The following BIRC6 variants were observed in gnomAD, a reference collection of about 807,000 sequenced individuals.
The protein encoded by BIRC6 is baculoviral IAP repeat containing 6, also known as dual E2 ubiquitin-conjugating enzyme/E3 ubiquitin-protein ligase BIRC6.
BIRC6 carries 98 observed loss-of-function variants against 503.3 expected under a neutral mutation model. The observed-to-expected ratio is 0.19, with a 90% CI of 0.17 to 0.23. BIRC6 has a LOEUF of 0.23. Ranked by LOEUF, BIRC6 falls within the 10% of genes least tolerant of loss-of-function variation. The probability of loss-of-function intolerance (pLI) is 1.00; values close to 1 mark genes in which losing one functional copy is unlikely to be tolerated. For missense variants in BIRC6, 5,360 were observed against 5,806.0 expected (o/e 0.92, Z 2.50); for synonymous variants, 2,240 against 2,078.7 (o/e 1.08, Z -2.11).
intron 5 of BIRC6, among the ~76,000 whole-genome samples, chr2:32,393,509 C>A (rs960559834): frequency 6.6e-6 from 1 of 152,018 alleles, no homozygotes; most frequent in Admixed American, 6.6e-5. Flanking sequence ...GGTTATTTAA[C>A]TTTATTTATT....
chr2:32,493,328 A>G (rs2051992487), intron 44 of BIRC6, among the ~76,000 whole-genome samples: 1 of 152,108 alleles, frequency 6.6e-6, no homozygotes, highest in Non-Finnish European at 1.5e-5. Flanking sequence ...ACTATAATGA[A>G]AAAGTATTAA....
Position 32,362,183 on chromosome 2 carries a change from G to T in BIRC6, c.325+4697G>T, listed in dbSNP as rs144960406. ...TCTACTTCCTCACCAGCATTTGGGGGTTTTATATTTTGGCCGTTTTAGTAG... is the reference window on the plus strand; with the variant it reads ...TCTACTTCCTCACCAGCATTTGGGGTTTTTATATTTTGGCCGTTTTAGTAG... On this transcript the variant is annotated intron_variant, in intron 1 of 73. Coordinates refer to ENST00000421745, the MANE Select transcript of BIRC6 (RefSeq NM_016252.4). Among the ~76,000 whole-genome samples the T allele has an allele frequency of 4.7e-3, 713 of 152,086 alleles. 9 individuals carry two copies. Among genetic ancestry groups the T allele is most frequent in the Middle Eastern group, 0.014 (4 of 294 alleles).
intron 24 of BIRC6, 83 bp downstream of exon 24, chr2:32,463,464 C>T: frequency 1.5e-6 from 2 of 1,337,870 alleles, no homozygotes; most frequent in Non-Finnish European, 2.0e-6. Context: ...CCATTATTTT[C>T]ATAAAGAAAC....
In BIRC6 at chr2:32,478,668, A is replaced by G. The variant is rs1434812561; in HGVS notation, c.7102A>G (p.Thr2368Ala). 1.1e-5 allele frequency: 18 copies of G among 1,613,002 alleles called. No homozygotes were observed. Among genetic ancestry groups the G allele is most frequent in the East Asian group, 2.2e-5 (1 of 44,872 alleles). The change falls in exon 36 of 74, where the codon ACT becomes GCT. Residue 2368 changes from threonine (T) to alanine (A), a missense_variant. Physicochemically the swap from Thr to Ala is moderately conservative, Grantham distance 58. Coordinates refer to ENST00000421745, the MANE Select transcript of BIRC6 (RefSeq NM_016252.4). ...LARIANATRP[T>A]IHLCEIVNEP... The stretch of plus-strand genomic sequence containing the variant: ...ACGCATTGCAAATGCCACGAGGCCA[A>G]CTATTCATCTGTGTGAGATTGTGAA...
At chr2:32,577,647 G>C (rs2060352315) in intron 66 of BIRC6, among the ~76,000 whole-genome samples, 2 of 152,098 alleles carry the variant, frequency 1.3e-5, no homozygotes, top group South Asian at 2.1e-4. Flanking sequence ...CACCTATAGT[G>C]CCTCTTTGGT....
chr2:32,593,771 C>T (rs2061520591), intron 66 of BIRC6, 144 bp from the exon 67 acceptor site: 1 of 612,102 alleles, frequency 1.6e-6, no homozygotes, highest in South Asian at 3.2e-5. Context: ...ACTTTACTAG[C>T]CAGTGGCTTC....
rs35168398 is a variant in BIRC6 at position 32,477,735 on chromosome 2, C to CAA, written c.7068+169_7068+170dup. 5.8e-3 allele frequency among the ~76,000 whole-genome samples: 630 copies of CAA among 108,572 alleles called. 15 individuals carry two copies. Among genetic ancestry groups the CAA allele is most frequent in the Middle Eastern group, 0.019 (4 of 212 alleles). The allele number at this position is 108,572 out of a possible 152,430, so 71.2% of individuals were successfully genotyped here. ...GCAATGTGGCAAAACCCCGTCTCTACAAAAAAAAAAAAAAAAAAGTGACTT... is the reference window on the plus strand; with the variant it reads ...GCAATGTGGCAAAACCCCGTCTCTACAAAAAAAAAAAAAAAAAAAAGTGACTT... On this transcript the variant is annotated intron_variant, in intron 35 of 73. Transcript: ENST00000421745.
rs1321971260 is a variant in BIRC6, at chr2:32,503,230, C to T, written c.9493C>T (p.Pro3165Ser). ...TGCTGAAGGGATTCATAACTTTGCA[C>T]CCCTCGGTAAGAAAAGTGTTACTAA... Reference protein sequence around the residue: ...DNAEGIHNFAPLGTITSSSPT... With the variant: ...DNAEGIHNFASLGTITSSSPT... Residue 3165 changes from proline (P) to serine (S), a missense_variant, in exon 49 of 74, where the codon CCC (proline) becomes TCC (serine). Pro to Ser is a moderately conservative substitution (Grantham distance 74, BLOSUM62 -1). Coordinates refer to ENST00000421745, the MANE Select transcript of BIRC6 (RefSeq NM_016252.4). The T allele has an allele frequency of 6.3e-7, 1 of 1,599,050 alleles. No homozygotes were observed. Among genetic ancestry groups the T allele is most frequent in the East Asian group, 2.2e-5 (1 of 44,718 alleles).
intron 1 of BIRC6, among the ~76,000 whole-genome samples, chr2:32,359,747 T>G (rs1292169428): frequency 2.0e-5 from 3 of 152,168 alleles, no homozygotes; most frequent in Admixed American, 2.0e-4. Flanking sequence ...TTTATTCGTA[T>G]TTGTAGAGAT....
At chr2:32,370,048 ATG>A (rs1229977597) in intron 1 of BIRC6, among the ~76,000 whole-genome samples, 5 of 143,054 alleles carry the variant, frequency 3.5e-5, no homozygotes, top group Non-Finnish European at 6.0e-5. Flanking sequence ...ATGTATATAT[ATG>A]TGTGTATGTA....
Position 32,467,686 on chromosome 2 carries a change from C to T in BIRC6, c.5518C>T (p.His1840Tyr), listed in dbSNP as rs1192094974. 4 of 1,613,850 alleles carry T rather than the reference C, an allele frequency of 2.5e-6. No individual in the cohort carries two copies. The highest frequency in any genetic ancestry group is 2.5e-6 in the Non-Finnish European group (3 of 1,179,838). ...GGTAGTGGCAACTGATATAAGCACT[C>T]ATTCACTAATTCTTCATGACTTAAT... The part of the protein sequence containing the change: ...RLVVATDIST[H>Y]SLILHDLIPP... The change falls in exon 27 of 74, where the codon CAT becomes TAT. Residue 1840 changes from histidine (H) to tyrosine (Y), a missense_variant. By Grantham distance (83) the His-to-Tyr change is moderately conservative (BLOSUM62 2). Coordinates refer to ENST00000421745, the MANE Select transcript of BIRC6 (RefSeq NM_016252.4).
At position 32,439,532 on chromosome 2, in the gene BIRC6, C is replaced by G. The variant is rs2045163223; in HGVS notation, c.3656C>G (p.Ser1219Trp). 6.2e-7 allele frequency: 1 copy of G among 1,613,064 alleles called. No homozygotes were observed. Among genetic ancestry groups the G allele is most frequent in the Admixed American group, 1.7e-5 (1 of 59,882 alleles). ...VKGMAGGKYR[S>W]FLIHVKAVNE... ...GGTATGGCAGGAGGAAAATATCGTT[C>G]GTTTTTAATCCATGTCAAGGCAGTG... is the stretch of plus-strand genomic sequence containing the variant. The change falls in exon 16 of 74, where the codon TCG becomes TGG. Residue 1219 changes from serine (S) to tryptophan (W), a missense_variant. Ser to Trp is a radical substitution (Grantham distance 177). Around this residue, in one of 16 missense-constraint regions of BIRC6, gnomAD observed 2,299 missense variants for 2,267.2 expected, o/e 1.01. Coordinates refer to ENST00000421745, the MANE Select transcript of BIRC6 (RefSeq NM_016252.4).
At chr2:32,570,620 C>T (rs1014085806) in intron 65 of BIRC6, among the ~76,000 whole-genome samples, 1 of 151,076 alleles carries the variant, frequency 6.6e-6, no homozygotes, top group Non-Finnish European at 1.5e-5. Flanking sequence ...TGCCTCAGCA[C>T]CCCCAAGTAG....
chr2:32,512,413 G>A (rs1253515274), intron 53 of BIRC6, among the ~76,000 whole-genome samples: 19 of 152,166 alleles, frequency 1.2e-4, no homozygotes, highest in Admixed American at 5.9e-4. Context: ...AGTGGGGTTA[G>A]TTGACCTATA....
At chr2:32,423,029 C>T (rs1337555727) in intron 10 of BIRC6, among the ~76,000 whole-genome samples, 1 of 152,164 alleles carries the variant, frequency 6.6e-6, no homozygotes, top group Non-Finnish European at 1.5e-5. Flanking sequence ...CCTCCACCTC[C>T]TGGGTTCAAG....
chr2:32,456,871 A>G (rs549114876), intron 23 of BIRC6, among the ~76,000 whole-genome samples: 1 of 152,312 alleles, frequency 6.6e-6, no homozygotes, highest in South Asian at 2.1e-4. Context: ...CTTTGAGACC[A>G]TCATATAAAT....
intron 40 of BIRC6, 65 bp from the exon 41 acceptor site, chr2:32,487,582 G>T (rs1299919309): frequency 1.4e-6 from 2 of 1,425,884 alleles, no homozygotes; most frequent in Non-Finnish European, 2.0e-6. Flanking sequence ...TTATACATAT[G>T]AATAACCAGT....
chr2:32,595,199 G>C (rs2061605019), intron 68 of BIRC6, 55 bp downstream of exon 68: 1 of 1,112,726 alleles, frequency 9.0e-7, no homozygotes, highest in Non-Finnish European at 1.3e-6. Flanking sequence ...TTTTTTAACA[G>C]TGCTATTGAA....
At position 32,443,529 on chromosome 2, in the gene BIRC6, C is replaced by G. The variant is rs1193461002; in HGVS notation, c.4277C>G (p.Pro1426Arg). 2 of 1,609,630 alleles carry G rather than the reference C, an allele frequency of 1.2e-6. No individual in the cohort carries two copies. The highest frequency in any genetic ancestry group is 2.7e-5 in the African/African-American group (2 of 74,976). Residue 1426 changes from proline to arginine, a missense_variant, in exon 20 of 74, where the codon CCT becomes CGT. Pro to Arg is a moderately radical substitution (Grantham distance 103). This residue lies in a region of BIRC6 where 2,299 missense variants were observed against 2,267.2 expected (regional missense o/e 1.01). Transcript: ENST00000421745. ...GACCCATGTCAACCAGCATTTGGACCTGTTCTGTTGAAGGCTTTACTTGAT... is the reference window on the plus strand; with the variant it reads ...GACCCATGTCAACCAGCATTTGGACGTGTTCTGTTGAAGGCTTTACTTGAT... ...KCDPCQPAFG[P>R]VLLKALLDNM...
Sources: gnomAD v4.1 joint callset for allele counts (sites outside exome capture counted in the v4.1 genomes callset) on GRCh38, gnomAD v4.1.1 for gene constraint, gnomAD v4.1.1 regional missense constraint, MANE v1.5 for transcripts, NCBI Gene and HGNC (gene_info 2026-07-23, HGNC 2026-07-21) for gene names.